Variants in GRM5 observed in about 807,000 individuals in gnomAD.
The protein encoded by GRM5 is metabotropic glutamate receptor 5.
A neutral mutation model predicts 83.1 loss-of-function variants in GRM5; 19 were observed. That is an observed-to-expected ratio of 0.23 (90% confidence interval 0.16 to 0.34). GRM5 has a LOEUF of 0.34. Ranked by LOEUF, GRM5 falls within the 10% of genes least tolerant of loss-of-function variation. The pLI is 1.00. For missense variants in GRM5, 1,160 were observed against 1,588.3 expected (o/e 0.73, Z 4.58); for synonymous variants, 675 against 633.6 (o/e 1.07, Z -0.98).
At chr11:88,520,800 A>G (rs1311314692) in intron 9 of GRM5, among the ~76,000 whole-genome samples, 1 of 152,210 alleles carries the variant, frequency 6.6e-6, no homozygotes, top group Admixed American at 6.5e-5. Flanking sequence ...AAGGACTATT[A>G]TGACATGACT....
chr11:89,049,050 G>C (rs1328086588), intron 1 of GRM5, among the ~76,000 whole-genome samples: 2 of 152,120 alleles, frequency 1.3e-5, no homozygotes, highest in South Asian at 4.1e-4. Context: ...TTTGTGGCTA[G>C]GTCATGAAGA....
chr11:88,614,497 T>A (rs1938414968), intron 4 of GRM5, among the ~76,000 whole-genome samples: 1 of 152,118 alleles, frequency 6.6e-6, no homozygotes, highest in Admixed American at 6.6e-5. Context: ...TCTCAGGCAG[T>A]CACTATTTAG....
intron 3 of GRM5, among the ~76,000 whole-genome samples, chr11:88,673,310 T>G (rs958513542): frequency 1.4e-4 from 22 of 151,898 alleles, no homozygotes; most frequent in African/African-American, 4.6e-4. Context: ...GTGACTAATA[T>G]TCTATGGAGT....
At chr11:88,732,344 G>A (rs959792141) in intron 3 of GRM5, among the ~76,000 whole-genome samples, 4 of 152,034 alleles carry the variant, frequency 2.6e-5, no homozygotes, top group African/African-American at 7.2e-5. Flanking sequence ...TTGAGTTGTA[G>A]TGTTATTAAT....
Position 88,691,797 on chromosome 11 carries a change from T to G in GRM5, c.912-38394A>C, listed in dbSNP as rs188229696. Among the ~76,000 whole-genome samples the G allele has an allele frequency of 4.6e-5, 7 of 152,322 alleles. No individual in the cohort carries two copies. In the East Asian group the frequency reaches 1.2e-3, roughly 25 times the overall value. ...GTTCTGTTATTCTATCATAAAAATC[T>G]CTTAAACAGGAGTCTTTTCCTATTA... On this transcript the variant is annotated intron_variant, in intron 3 of 9. Transcript: ENST00000305447.
chr11:88,963,468 C>G (rs1206277695), intron 2 of GRM5, among the ~76,000 whole-genome samples: 2 of 152,150 alleles, frequency 1.3e-5, no homozygotes, highest in Non-Finnish European at 2.9e-5. Context: ...TGTTATGTTT[C>G]AAAAGGAGAA....
chr11:88,932,354 C>T (rs1174295889), intron 2 of GRM5, among the ~76,000 whole-genome samples: 3 of 151,898 alleles, frequency 2.0e-5, no homozygotes, highest in Non-Finnish European at 2.9e-5. Flanking sequence ...TGCCTAACAA[C>T]AGTTTATTGG....
At chr11:88,789,083 T>C (rs11021334) in intron 3 of GRM5, among the ~76,000 whole-genome samples, 4,747 of 152,296 alleles carry the variant, frequency 0.031, 219 homozygotes, top group African/African-American at 0.096. Flanking sequence ...GAAAGATCAC[T>C]AGGCTAAAAA....
intron 2 of GRM5, among the ~76,000 whole-genome samples, chr11:88,976,531 G>A (rs1411865820): frequency 3.2e-5 from 4 of 126,058 alleles, no homozygotes; most frequent in African/African-American, 7.0e-5. Flanking sequence ...TCCAAGTGCT[G>A]AACACAGGGC....
At position 88,508,027 on chromosome 11, in the gene GRM5, C is replaced by T. The variant is rs950540555; in HGVS notation, c.*565G>A. 1 of 153,090 alleles carries T rather than the reference C, an allele frequency of 6.5e-6. No homozygotes were observed. Among genetic ancestry groups the T allele is most frequent in the Non-Finnish European group, 1.5e-5 (1 of 68,514 alleles). The allele number at this position is 153,090 out of a possible 1,614,324, so 9.5% of individuals were successfully genotyped here. On this transcript the variant is annotated 3_prime_UTR_variant, in exon 10 of 10. Coordinates refer to ENST00000305447, the MANE Select transcript of GRM5 (RefSeq NM_001143831.3). The surrounding 1 kb of genome is among the most constrained non-coding windows in gnomAD (Gnocchi z 4.2). The stretch of plus-strand genomic sequence containing the variant: ...TGTTATGCATGGGACACATTCACAA[C>T]GCCTCCGTAAATACTGGACCCAAGT...
chr11:88,923,213 G>T (rs1256990380), intron 2 of GRM5, among the ~76,000 whole-genome samples: 1 of 152,046 alleles, frequency 6.6e-6, no homozygotes, highest in Non-Finnish European at 1.5e-5. Context: ...TACCCAAAAG[G>T]AAGGAAAACA....
chr11:88,712,099 T>C (rs1246318907), intron 3 of GRM5, among the ~76,000 whole-genome samples: 6 of 152,076 alleles, frequency 3.9e-5, no homozygotes, highest in Admixed American at 6.6e-5. Flanking sequence ...AGAGGAGAAC[T>C]TTCCTTGCAA....
intron 3 of GRM5, among the ~76,000 whole-genome samples, chr11:88,734,329 T>C (rs779135578): frequency 6.6e-6 from 1 of 152,006 alleles, no homozygotes; most frequent in African/African-American, 2.4e-5. Flanking sequence ...TTTAAAAAGA[T>C]AAGTGTTGGC....
intron 2 of GRM5, among the ~76,000 whole-genome samples, chr11:88,925,389 T>G (rs1945771886): frequency 6.6e-6 from 1 of 152,126 alleles, no homozygotes; most frequent in Non-Finnish European, 1.5e-5. Flanking sequence ...TCCTCTGCCT[T>G]TACTTTGTAC....
intron 4 of GRM5, among the ~76,000 whole-genome samples, chr11:88,625,132 A>G (rs1353355549): frequency 6.6e-6 from 1 of 152,198 alleles, no homozygotes; most frequent in East Asian, 1.9e-4. Flanking sequence ...CCTCAGATGC[A>G]CATCTTACAA....
At chr11:88,666,966 C>G (rs1050942094) in intron 3 of GRM5, among the ~76,000 whole-genome samples, 11 of 151,992 alleles carry the variant, frequency 7.2e-5, no homozygotes, top group African/African-American at 2.4e-4. Flanking sequence ...GAAATCAACC[C>G]CATCCCAATC....
At chr11:88,940,347 CA>C (rs1565301706) in intron 2 of GRM5, among the ~76,000 whole-genome samples, 1 of 147,852 alleles carries the variant, frequency 6.8e-6, no homozygotes, top group Non-Finnish European at 1.5e-5. Flanking sequence ...CTTTTAAAAG[CA>C]ATTCAGCCTC....
chr11:88,599,876 G>A (rs1937928658), intron 5 of GRM5, among the ~76,000 whole-genome samples: 1 of 152,128 alleles, frequency 6.6e-6, no homozygotes, highest in Non-Finnish European at 1.5e-5. Flanking sequence ...AGCCGGGCGT[G>A]GTGGCAGGCG....
chr11:88,930,849 G>A (rs142439325), intron 2 of GRM5, among the ~76,000 whole-genome samples: 5 of 151,928 alleles, frequency 3.3e-5, no homozygotes, highest in African/African-American at 1.2e-4. Flanking sequence ...CACCACACTC[G>A]GCCTCATATT....
Sources: gnomAD v4.1 joint callset for allele counts (sites outside exome capture counted in the v4.1 genomes callset) on GRCh38, gnomAD v4.1.1 for gene constraint, Gnocchi (gnomAD v3.1) non-coding constraint, MANE v1.5 for transcripts, NCBI Gene and HGNC (gene_info 2026-07-23, HGNC 2026-07-21) for gene names.